Variants in DEAF1 observed in about 807,000 individuals in gnomAD.
DEAF1 encodes DEAF1 transcription factor, also known as deformed epidermal autoregulatory factor 1 homolog.
DEAF1 carries 53 observed loss-of-function variants against 58.9 expected under a neutral mutation model. That is an observed-to-expected ratio of 0.90 (90% confidence interval 0.72 to 1.13). The LOEUF (loss-of-function observed/expected upper bound fraction) is 1.13. Ranked by LOEUF, DEAF1 falls within the 50% of genes most tolerant of loss-of-function variation. The pLI, the probability that DEAF1 is intolerant of heterozygous loss-of-function variation, is 0.00. For synonymous variants in DEAF1, 385 were observed against 340.4 expected (o/e 1.13, Z -1.44); for missense variants, 685 against 791.4 (o/e 0.87, Z 1.61).
At chr11:699,046 A>C, upstream of DEAF1, 1 of 847,748 alleles carries the variant, frequency 1.2e-6, no homozygotes, top group South Asian at 1.4e-5. Context: ...AGTTGATGTA[A>C]CTTCCTCGGA....
At chr11:649,491 G>A (rs571440054) in intron 11 of DEAF1, among the ~76,000 whole-genome samples, 10 of 151,792 alleles carry the variant, frequency 6.6e-5, no homozygotes, top group East Asian at 1.9e-4. Flanking sequence ...AGGCCGAGGC[G>A]GGCGGATCAC....
intron 10 of DEAF1, among the ~76,000 whole-genome samples, chr11:672,527 C>G (rs1859876312): frequency 6.6e-6 from 1 of 152,118 alleles, no homozygotes; most frequent in Non-Finnish European, 1.5e-5. Flanking sequence ...CTGATGTGCA[C>G]TGAATGACAG....
intron 11 of DEAF1, among the ~76,000 whole-genome samples, chr11:652,976 C>T (rs887085067): frequency 1.3e-4 from 19 of 147,430 alleles, no homozygotes; most frequent in Non-Finnish European, 2.2e-4. Context: ...CCCAGCTACT[C>T]GGGAGGCTGA....
At chr11:678,998 T>C (rs928249099) in intron 8 of DEAF1, among the ~76,000 whole-genome samples, 176 bp from the exon 9 acceptor site, 2 of 152,192 alleles carry the variant, frequency 1.3e-5, no homozygotes, top group Admixed American at 6.5e-5. Context: ...ATTGGGGCTA[T>C]ATCAGGTGAA....
rs148729216 is a variant in DEAF1, at chr11:644,561, C to T, written c.1687G>A (p.Val563Met). 101 of 1,612,748 alleles carry T rather than the reference C, an allele frequency of 6.3e-5. No individual in the cohort carries two copies. The highest frequency in any genetic ancestry group is 9.3e-6 in the Non-Finnish European group (11 of 1,179,930). Residue 563 changes from valine to methionine, a missense_variant, in exon 12 of 12, where the codon GTG (valine) becomes ATG (methionine). Around this residue, in one of 3 missense-constraint regions of DEAF1, gnomAD observed 343 missense variants for 379.8 expected, o/e 0.90. Transcript: ENST00000382409. This position sits in a 1 kb window ranked among gnomAD's most constrained non-coding sequence, Gnocchi z 4.3. ...CGGCCGATGGAGCCTCACACGGTCACCTTCTCCATCACGCTTTCAGCCACG... is the reference window on the plus strand; with the variant it reads ...CGGCCGATGGAGCCTCACACGGTCATCTTCTCCATCACGCTTTCAGCCACG... Reference protein sequence around the residue: ...VHVAESVMEKVTV With the variant: ...VHVAESVMEKMTV
intron 11 of DEAF1, chr11:651,058 G>A (rs1858746587): frequency 6.5e-6 from 1 of 154,044 alleles, no homozygotes; most frequent in South Asian, 1.9e-4. Flanking sequence ...CGCCTCCCAG[G>A]TTCAAGCAAT....
upstream of DEAF1, chr11:699,065 G>T (rs1861328682): frequency 1.4e-6 from 1 of 740,074 alleles, no homozygotes. Context: ...GATCAGTTCT[G>T]CTGGCTCCAT....
At chr11:690,613 G>C (rs1164327283) in intron 2 of DEAF1, among the ~76,000 whole-genome samples, 1 of 152,008 alleles carries the variant, frequency 6.6e-6, no homozygotes, top group Non-Finnish European at 1.5e-5. Flanking sequence ...TGGCATGGTG[G>C]CACACGCCTG....
intron 1 of DEAF1, chr11:703,412 G>T (rs1399428264): frequency 1.5e-6 from 2 of 1,330,456 alleles, no homozygotes; most frequent in Admixed American, 7.5e-5. Context: ...TCCCAGGAGC[G>T]CACACTCAGC....
At chr11:697,219 A>G (rs1590032648), upstream of DEAF1, among the ~76,000 whole-genome samples, 1 of 152,154 alleles carries the variant, frequency 6.6e-6, no homozygotes, top group East Asian at 1.9e-4. Flanking sequence ...AGGCCACTGC[A>G]CTCCAGCCTG....
intron 1 of DEAF1, among the ~76,000 whole-genome samples, chr11:702,390 G>A (rs567872099): frequency 3.9e-5 from 6 of 152,220 alleles, no homozygotes; most frequent in Non-Finnish European, 8.8e-5. Context: ...ACAGGGTGTG[G>A]CCTGGCCCTG....
chr11:667,000 A>T (rs1859566583), intron 10 of DEAF1, among the ~76,000 whole-genome samples: 1 of 151,970 alleles, frequency 6.6e-6, no homozygotes, highest in African/African-American at 2.4e-5. Flanking sequence ...GGAGTTCAAG[A>T]CCAGCCTGAG....
chr11:695,268 G>A (rs1040945608), upstream of DEAF1: 1 of 469,778 alleles, frequency 2.1e-6, no homozygotes, highest in Non-Finnish European at 3.7e-6. Context: ...CCGAGTAGGA[G>A]CCGAACCTGC....
chr11:695,940 A>G, upstream of DEAF1: 1 of 991,904 alleles, frequency 1.0e-6, no homozygotes, highest in Non-Finnish European at 1.3e-6. Context: ...CGGTGCGCTC[A>G]CGGGGCCGTG....
At chr11:656,178 T>C (rs1256233071) in intron 10 of DEAF1, among the ~76,000 whole-genome samples, 3 of 145,334 alleles carry the variant, frequency 2.1e-5, no homozygotes, top group Admixed American at 6.9e-5. Context: ...TTTTTTGAGA[T>C]GGAGTCTCGC....
chr11:703,299 G>A, intron 1 of DEAF1: 1 of 1,427,386 alleles, frequency 7.0e-7, no homozygotes, highest in Non-Finnish European at 9.2e-7. Context: ...TGTTCTGGCA[G>A]GAGTGGGAGC....
intron 1 of DEAF1, among the ~76,000 whole-genome samples, chr11:702,465 C>T (rs1016749913): frequency 2.6e-5 from 4 of 152,224 alleles, no homozygotes; most frequent in African/African-American, 9.6e-5. Context: ...TCTCCAGGCA[C>T]CTGGGCTCAG....
chr11:653,885 G>T, intron 11 of DEAF1, 77 bp downstream of exon 11: 1 of 1,296,364 alleles, frequency 7.7e-7, no homozygotes, highest in Non-Finnish European at 1.1e-6. Flanking sequence ...GGAGCACAAG[G>T]GGAGGGAGGG....
chr11:651,612 G>A (rs573782353), intron 11 of DEAF1, among the ~76,000 whole-genome samples: 6 of 152,078 alleles, frequency 3.9e-5, no homozygotes, highest in African/African-American at 4.8e-5. Flanking sequence ...AGCTGGGCAC[G>A]GTGGCTCACG....
Sources: allele counts gnomAD v4.1 joint callset (sites outside exome capture counted in the v4.1 genomes callset), GRCh38; gene constraint gnomAD v4.1.1; regional missense constraint gnomAD v4.1.1; non-coding constraint Gnocchi (gnomAD v3.1); transcripts MANE v1.5; gene names NCBI Gene and HGNC (gene_info 2026-07-23, HGNC 2026-07-21).